The following RANBP17 variants were observed in gnomAD, a reference collection of about 807,000 sequenced individuals.
RANBP17 encodes the protein RAN binding protein 17, also known as ran-binding protein 17.
A neutral mutation model predicts 141.2 loss-of-function variants in RANBP17; 158 were observed. That is an observed-to-expected ratio of 1.12 (90% CI 0.98 to 1.28). The LOEUF is 1.28. Ranked by LOEUF, RANBP17 falls within the 50% of genes most tolerant of loss-of-function variation. The pLI is 0.00. For synonymous variants in RANBP17, 430 were observed against 450.0 expected, an observed-to-expected ratio of 0.96 and a Z score of 0.56; for missense variants, 1,438 against 1,290.7, an observed-to-expected ratio of 1.11 and a Z score of -1.75.
At chr5:171,222,134 A>G (rs1763603789) in intron 22 of RANBP17, among the ~76,000 whole-genome samples, 2 of 152,218 alleles carry the variant, frequency 1.3e-5, no homozygotes, top group Admixed American at 6.5e-5. Context: ...GCATATTCAA[A>G]ATTGCTCAAA....
chr5:170,913,683 C>T lies in RANBP17; in HGVS notation c.761-484C>T, dbSNP rs180948908. Among the ~76,000 whole-genome samples, 139 of 152,000 alleles carry T rather than the reference C, an allele frequency of 9.1e-4. 1 individual carries two copies. The highest frequency in any genetic ancestry group is 2.1e-3 in the Admixed American group (32 of 15,246). On this transcript the variant is annotated intron_variant, in intron 7 of 27. Transcript: ENST00000523189. ...GGCATTCGTGATTAGACAGCTAAAG[C>T]GTTACACACTGTAATAGGAATGCAG...
intron 18 of RANBP17, among the ~76,000 whole-genome samples, chr5:171,187,072 TACTTGGAGGCCATC>T (rs1436220259): frequency 6.6e-6 from 1 of 152,128 alleles, no homozygotes; most frequent in African/African-American, 2.4e-5. Context: ...TTCACGTGAA[TACTTGGAGGCCATC>T]ACAGGGTTAT....
intron 5 of RANBP17, among the ~76,000 whole-genome samples, chr5:170,905,545 TCTTAA>T (rs1056526622): frequency 2.6e-5 from 4 of 152,128 alleles, no homozygotes; most frequent in African/African-American, 7.2e-5. Flanking sequence ...TAAAGTGATC[TCTTAA>T]CTTATCACGG....
chr5:171,261,644 T>C (rs1232504394), intron 24 of RANBP17, among the ~76,000 whole-genome samples: 1 of 152,232 alleles, frequency 6.6e-6, no homozygotes, highest in Non-Finnish European at 1.5e-5. Flanking sequence ...TTGTTTTCAA[T>C]GCCAAACAAC....
chr5:171,015,274 A>G (rs912103242), intron 14 of RANBP17, among the ~76,000 whole-genome samples: 2 of 152,068 alleles, frequency 1.3e-5, no homozygotes, highest in African/African-American at 4.8e-5. Flanking sequence ...ACTTTCTTGA[A>G]GACTGCAGTT....
chr5:171,149,150 G>A (rs1394032022), intron 14 of RANBP17, among the ~76,000 whole-genome samples: 1 of 152,132 alleles, frequency 6.6e-6, no homozygotes, highest in African/African-American at 2.4e-5. Context: ...CCTGGCCACT[G>A]TACAAAGGCC....
chr5:171,029,911 GATA>G (rs1562003872), intron 14 of RANBP17, among the ~76,000 whole-genome samples: 2 of 151,950 alleles, frequency 1.3e-5, no homozygotes, highest in African/African-American at 4.8e-5. Flanking sequence ...GTTTCATCAT[GATA>G]ATGACATTGT....
At chr5:171,128,002 C>CA (rs1366299223) in intron 14 of RANBP17, among the ~76,000 whole-genome samples, 1 of 152,038 alleles carries the variant, frequency 6.6e-6, no homozygotes, top group Non-Finnish European at 1.5e-5. Context: ...ACTAAAAATA[C>CA]AAAAAATTAG....
At chr5:170,872,083 G>T (rs531649295) in intron 1 of RANBP17, among the ~76,000 whole-genome samples, 18 of 152,254 alleles carry the variant, frequency 1.2e-4, no homozygotes, top group Middle Eastern at 6.8e-3. Flanking sequence ...GATGGGAATA[G>T]CATTGAATCT....
chr5:170,974,402 G>A (rs550863885), intron 14 of RANBP17, among the ~76,000 whole-genome samples: 31 of 152,270 alleles, frequency 2.0e-4, no homozygotes, highest in South Asian at 2.1e-4. Flanking sequence ...AATCTTCTTT[G>A]ACTTAATGTC....
intron 24 of RANBP17, among the ~76,000 whole-genome samples, chr5:171,251,604 G>T (rs1180534093): frequency 1.3e-5 from 2 of 152,134 alleles, no homozygotes; most frequent in African/African-American, 4.8e-5. Context: ...CAAAACCTGT[G>T]GGATATAGTA....
intron 23 of RANBP17, 32 bp from the exon 24 acceptor site, chr5:171,242,650 G>A (rs767495191): frequency 1.9e-5 from 30 of 1,600,926 alleles, no homozygotes; most frequent in Non-Finnish European, 7.7e-6. Flanking sequence ...TCTTCTCTGT[G>A]GCTTGACATT....
At chr5:170,996,083 A>G (rs1257728816) in intron 14 of RANBP17, among the ~76,000 whole-genome samples, 2 of 152,122 alleles carry the variant, frequency 1.3e-5, no homozygotes, top group South Asian at 2.1e-4. Context: ...ATATACCTTC[A>G]GTTACCCTCC....
chr5:170,903,868 G>C (rs539841911), intron 5 of RANBP17: 4 of 477,666 alleles, frequency 8.4e-6, no homozygotes, highest in East Asian at 5.5e-5. Context: ...AGATTTGAAG[G>C]GTCCCTTAAT....
At chr5:171,243,334 C>G (rs936173607) in intron 24 of RANBP17, among the ~76,000 whole-genome samples, 1 of 152,142 alleles carries the variant, frequency 6.6e-6, no homozygotes, top group African/African-American at 2.4e-5. Context: ...GAGATTCATT[C>G]ATGTTATTTT....
At chr5:171,297,455 A>G (rs1276014857) in intron 27 of RANBP17, among the ~76,000 whole-genome samples, 4 of 152,220 alleles carry the variant, frequency 2.6e-5, no homozygotes, top group Non-Finnish European at 5.9e-5. Flanking sequence ...TCCATTTGAA[A>G]TGCAAATCAT....
intron 14 of RANBP17, among the ~76,000 whole-genome samples, chr5:171,006,750 AAAAAAAAAG>A (rs1779649722): frequency 6.6e-6 from 1 of 151,794 alleles, no homozygotes; most frequent in Non-Finnish European, 1.5e-5. Flanking sequence ...TATTAAAAAA[AAAAAAAAAG>A]AATAGGTCGG....
intron 14 of RANBP17, among the ~76,000 whole-genome samples, chr5:171,007,756 G>T (rs549824342): frequency 2.0e-5 from 3 of 152,260 alleles, no homozygotes; most frequent in Non-Finnish European, 4.4e-5. Context: ...TTGTACTGGG[G>T]CCAAGCAGTG....
intron 12 of RANBP17, among the ~76,000 whole-genome samples, chr5:170,928,063 C>G (rs1044263529): frequency 6.6e-6 from 1 of 152,082 alleles, no homozygotes; most frequent in African/African-American, 2.4e-5. Context: ...TACTGGGTGT[C>G]TAGTGTTATC....
Sources: gnomAD v4.1 joint callset for allele counts (sites outside exome capture counted in the v4.1 genomes callset) on GRCh38, gnomAD v4.1.1 for gene constraint, MANE v1.5 for transcripts, NCBI Gene and HGNC (gene_info 2026-07-23, HGNC 2026-07-21) for gene names.